Variants in NBPF12 observed in about 807,000 individuals in gnomAD.
The protein encoded by NBPF12 is NBPF family member NBPF12.
Under a neutral mutation model 146.4 loss-of-function variants are expected in NBPF12, and 115 were observed. The ratio of observed to expected loss-of-function variants is 0.79; its 90% CI spans 0.68 to 0.92. The LOEUF is 0.92. NBPF12 is among the 40% of genes least tolerant of loss of function. The pLI, the probability that NBPF12 is intolerant of heterozygous loss-of-function variation, is 0.00. For synonymous variants in NBPF12, 385 were observed against 508.9 expected (o/e 0.76, Z 3.28); for missense variants, 1,205 against 1,326.8 (o/e 0.91, Z 1.43).
At chr1:146,945,395 C>T (rs1490247579), upstream of NBPF12, among the ~76,000 whole-genome samples, 4 of 151,420 alleles carry the variant, frequency 2.6e-5, no homozygotes, top group African/African-American at 9.7e-5. Flanking sequence ...TGGTTTGCAC[C>T]TGTCCTTACC....
At position 146,980,780 on chromosome 1, in the gene NBPF12, G is replaced by A. The variant is rs1378552238; in HGVS notation, c.2450+1770G>A. Among the ~76,000 whole-genome samples the A allele has an allele frequency of 6.2e-5, 9 of 145,296 alleles. No individual in the cohort carries two copies. The East Asian group carries it at 1.0e-3, about 16-fold the overall frequency. ...TTTGACCCAGCCATCCCATTACTGG[G>A]TGTATACCCAAAGGATTATAAATCA... is the stretch of plus-strand genomic sequence containing the variant. On this transcript the variant is annotated intron_variant, in intron 19 of 33. Transcript: ENST00000617844.
At chr1:146,972,201 C>T (rs1334263383) in intron 13 of NBPF12, among the ~76,000 whole-genome samples, 29 of 151,022 alleles carry the variant, frequency 1.9e-4, no homozygotes, top group Middle Eastern at 3.4e-3. Context: ...TCGAAACCAG[C>T]CTGTCCAAGT....
At chr1:146,994,450 A>G in exon 34 of NBPF12, 5 of 1,611,854 alleles carry the variant, frequency 3.1e-6, no homozygotes, top group Non-Finnish European at 4.2e-6. Flanking sequence ...GCACTACAGA[A>G]GTGTGTTTTA....
intron 20 of NBPF12, among the ~76,000 whole-genome samples, chr1:146,983,648 T>G (rs1160410573): frequency 5.0e-5 from 6 of 119,640 alleles, no homozygotes; most frequent in Non-Finnish European, 1.0e-4. Context: ...ATAAATGGCT[T>G]ACTTTTCACC....
At chr1:146,950,715 GGAAT>G (rs1328888551) in intron 1 of NBPF12, among the ~76,000 whole-genome samples, 1 of 152,044 alleles carries the variant, frequency 6.6e-6, no homozygotes, top group Non-Finnish European at 1.5e-5. Context: ...GCCATTCCAT[GGAAT>G]GAATGTATCA....
At chr1:146,968,710 G>A (rs1462546302) in intron 10 of NBPF12, among the ~76,000 whole-genome samples, 160 bp downstream of exon 13, 1 of 151,488 alleles carries the variant, frequency 6.6e-6, no homozygotes, top group Admixed American at 6.6e-5. Flanking sequence ...CAGAGAAGAA[G>A]GATAATAAAA....
intron 5 of NBPF12, 135 bp downstream of exon 8, chr1:146,962,398 C>A: frequency 1.4e-6 from 1 of 723,164 alleles, no homozygotes; most frequent in Non-Finnish European, 2.5e-6. Context: ...TCATGACACA[C>A]AAATATTTAT....
exon 4 of NBPF12, chr1:146,960,209 G>T (rs1441762512): frequency 2.1e-5 from 20 of 942,488 alleles, no homozygotes; most frequent in Non-Finnish European, 3.0e-5. Context: ...AAATCAACGA[G>T]AAATTGCGCC....
At chr1:146,984,366 C>A (rs1324187922) in intron 21 of NBPF12, among the ~76,000 whole-genome samples, 181 bp downstream of exon 24, 66 of 149,734 alleles carry the variant, frequency 4.4e-4, no homozygotes, top group South Asian at 4.1e-3. Context: ...TTCTTCCTAC[C>A]CTTATCATTT....
rs1421621026 is a variant in NBPF12, at chr1:146,979,271, G to C, written c.2450+261G>C. 1.9e-4 allele frequency among the ~76,000 whole-genome samples: 10 copies of C among 52,752 alleles called. 3 individuals carry two copies. In the Admixed American group the frequency reaches 1.9e-3, roughly 10 times the overall value. 34.6% of individuals were successfully genotyped at this position (52,752 alleles called of 152,430 possible). A position where few individuals can be genotyped will look rare whatever the true frequency, so the allele number is the denominator to read the frequency against. On this transcript the variant is annotated intron_variant, in intron 19 of 33. Transcript: ENST00000617844. ...TCTTGTTGATCTTTTCAAAAAACCA[G>C]CCCTGGATTCATTGATATTTTGAAG...
At chr1:146,965,042 C>G in exon 8 of NBPF12, 2 of 1,608,652 alleles carry the variant, frequency 1.2e-6, no homozygotes, top group African/African-American at 2.8e-5. Flanking sequence ...GTCAACTCAA[C>G]TGTGGTTGTA....
At chr1:146,971,186 G>A in exon 13 of NBPF12, 5 of 1,611,340 alleles carry the variant, frequency 3.1e-6, no homozygotes, top group Non-Finnish European at 4.2e-6. Context: ...TCATCAGGGA[G>A]ATGCAGAAGG....
chr1:146,966,698 C>G, intron 9 of NBPF12, 25 bp downstream of exon 12: 1 of 1,200,118 alleles, frequency 8.3e-7, no homozygotes, highest in East Asian at 2.3e-5. Flanking sequence ...CTCACCATCA[C>G]GAAAGTGATG....
intron 14 of NBPF12, among the ~76,000 whole-genome samples, chr1:146,973,900 G>A (rs1228761375): frequency 5.3e-5 from 8 of 150,358 alleles, no homozygotes; most frequent in East Asian, 3.9e-4. Flanking sequence ...AAGAAAGATC[G>A]CACCCGAGAA....
intron 9 of NBPF12, among the ~76,000 whole-genome samples, chr1:146,967,083 C>T (rs1281356039): frequency 1.4e-4 from 21 of 150,868 alleles, no homozygotes; most frequent in East Asian, 1.2e-3. Context: ...AGGCCCAATA[C>T]GCAAAGCTCT....
At position 146,993,468 on chromosome 1, in the gene NBPF12, A is replaced by C; in HGVS notation, c.4022-131A>C. ...CATGACCAGCCTTCAGGCCTCCTGA[A>C]ATATATCTCTCACAGTGTCCTATTC... On this transcript the variant is annotated intron_variant, in intron 32 of 33. Transcript: ENST00000617844. 2.5e-4 allele frequency: 22 copies of C among 89,110 alleles called. 1 individual carries two copies. Among genetic ancestry groups the C allele is most frequent in the South Asian group, 2.0e-3 (9 of 4,458 alleles). The allele number at this position is 89,110 out of a possible 1,614,324, so 5.5% of individuals were successfully genotyped here.
At chr1:146,972,678 C>T (rs1559524154) in intron 13 of NBPF12, 73 bp from the exon 17 acceptor site, 4 of 1,208,122 alleles carry the variant, frequency 3.3e-6, no homozygotes, top group East Asian at 2.3e-5. Flanking sequence ...CAGTGACATC[C>T]CTCAGTCCTG....
At chr1:146,945,763 C>T (rs1175939393), upstream of NBPF12, among the ~76,000 whole-genome samples, 420 of 152,180 alleles carry the variant, frequency 2.8e-3, 1 homozygote, top group Non-Finnish European at 4.7e-3. Context: ...GTGGTCCATT[C>T]GTTACAATTG....
At chr1:146,951,316 A>T (rs1655316098) in intron 1 of NBPF12, 32 bp from the exon 5 acceptor site, 1 of 684,878 alleles carries the variant, frequency 1.5e-6, no homozygotes, top group East Asian at 2.7e-5. Context: ...TCCTCTGGGG[A>T]GGTAAATAAA....
Sources: allele counts gnomAD v4.1 joint callset (sites outside exome capture counted in the v4.1 genomes callset), GRCh38; gene constraint gnomAD v4.1.1; transcripts MANE v1.5; gene names NCBI Gene and HGNC (gene_info 2026-07-23, HGNC 2026-07-21).